Variants in ANO1 observed in about 807,000 individuals in gnomAD.
ANO1 encodes anoctamin-1.
In ANO1, 59 loss-of-function variants were observed where a neutral mutation model predicts 124.0. The observed-to-expected ratio is 0.48, with a 90% confidence interval of 0.39 to 0.59. The LOEUF (loss-of-function observed/expected upper bound fraction) is 0.59, where lower values mean the gene tolerates loss of function less well. ANO1 is among the 20% of genes least tolerant of loss of function. ANO1 has a pLI of 0.00. For synonymous variants in ANO1, 529 were observed against 532.0 expected (o/e 0.99, Z 0.08); for missense variants, 1,059 against 1,328.0 (o/e 0.80, Z 3.15).
chr11:70,108,779 T>C (rs2045658880), intron 6 of ANO1, among the ~76,000 whole-genome samples: 1 of 152,236 alleles, frequency 6.6e-6, no homozygotes, highest in African/African-American at 2.4e-5. Context: ...CGGGGCGGCA[T>C]CTCCATGTGG....
At chr11:70,185,471 C>T in intron 24 of ANO1, 119 bp from the exon 25 acceptor site, 1 of 850,616 alleles carries the variant, frequency 1.2e-6, no homozygotes, top group East Asian at 2.6e-5. Context: ...GGCTGCCCTC[C>T]CGGAGGCAGC....
At chr11:70,069,694 G>A (rs1188818298) in intron 1 of ANO1, among the ~76,000 whole-genome samples, 2 of 152,104 alleles carry the variant, frequency 1.3e-5, no homozygotes, top group Non-Finnish European at 2.9e-5. Flanking sequence ...ACAGCTTTTG[G>A]AAAACGATAA....
At chr11:70,176,115 G>A (rs150883032) in intron 22 of ANO1, among the ~76,000 whole-genome samples, 84 of 151,068 alleles carry the variant, frequency 5.6e-4, no homozygotes, top group African/African-American at 2.0e-3. Context: ...AGAAAGGCGG[G>A]ACAGGGCGAC....
intron 7 of ANO1, among the ~76,000 whole-genome samples, chr11:70,113,049 G>C (rs2045851174): frequency 6.6e-6 from 1 of 152,136 alleles, no homozygotes; most frequent in African/African-American, 2.4e-5. Context: ...GGGGATTGGG[G>C]TGGTTGAGCA....
chr11:70,076,599 T>C (rs1247045032), upstream of ANO1, among the ~76,000 whole-genome samples: 1 of 152,142 alleles, frequency 6.6e-6, no homozygotes, highest in African/African-American at 2.4e-5. Context: ...CGTGTGGGAT[T>C]CTCCCAGCCC....
chr11:70,137,902 C>T (rs1483116984), intron 11 of ANO1, among the ~76,000 whole-genome samples: 1 of 147,862 alleles, frequency 6.8e-6, no homozygotes, highest in African/African-American at 2.4e-5. Context: ...GTGCCAGTTG[C>T]TACGTTGCAC....
intron 2 of ANO1, among the ~76,000 whole-genome samples, chr11:70,101,741 G>A (rs12284682): frequency 0.055 from 8,429 of 152,146 alleles, 255 homozygotes; most frequent in Non-Finnish European, 0.065. Flanking sequence ...CTCTGCACCC[G>A]GAGGGGATGG....
intron 1 of ANO1, among the ~76,000 whole-genome samples, chr11:70,034,371 C>T (rs548984494): frequency 3.3e-5 from 5 of 152,262 alleles, no homozygotes; most frequent in South Asian, 2.1e-4. Context: ...ATGACTGCAG[C>T]AGCCCTGGGC....
chr11:70,098,325 G>A (rs2135319485), intron 2 of ANO1, among the ~76,000 whole-genome samples: 1 of 152,316 alleles, frequency 6.6e-6, no homozygotes, highest in East Asian at 1.9e-4. Flanking sequence ...GAGGCTCCTG[G>A]GCTTTCCCCT....
chr11:69,966,830 G>A, the ANO1 span, among the ~76,000 whole-genome samples: 3 of 152,190 alleles, frequency 2.0e-5, no homozygotes, highest in African/African-American at 7.2e-5. Flanking sequence ...GGGCAAGAGA[G>A]GTGCCCCCAA....
At chr11:70,167,530 G>A (rs1034784753) in intron 21 of ANO1, 143 bp downstream of exon 21, 6 of 1,230,346 alleles carry the variant, frequency 4.9e-6, no homozygotes. Flanking sequence ...GCAGGGAGAA[G>A]AGAGATGCAG....
chr11:69,995,093 G>GTT (rs1278482378), intron 1 of ANO1, among the ~76,000 whole-genome samples: 409 of 21,486 alleles, frequency 0.019, 14 homozygotes, highest in African/African-American at 0.028. Context: ...TGCTGGCACT[G>GTT]TTTTTTTTTT....
chr11:69,994,140 G>A (rs189640275), intron 1 of ANO1, among the ~76,000 whole-genome samples: 31 of 150,218 alleles, frequency 2.1e-4, no homozygotes, highest in East Asian at 1.4e-3. Flanking sequence ...GGACCTAAGC[G>A]GTGCATGGGC....
intron 14 of ANO1, among the ~76,000 whole-genome samples, chr11:70,154,398 T>C (rs1416023690): frequency 6.6e-6 from 1 of 151,624 alleles, no homozygotes; most frequent in East Asian, 1.9e-4. Context: ...GGCCCAGCTC[T>C]TCAAATACAA....
chr11:70,086,733 C>T (rs1046789861), intron 1 of ANO1, among the ~76,000 whole-genome samples: 1 of 152,238 alleles, frequency 6.6e-6, no homozygotes, highest in African/African-American at 2.4e-5. Flanking sequence ...AAGGTCACTC[C>T]GAGGGTCCCC....
At chr11:70,152,072 C>T (rs1048103488) in intron 12 of ANO1, among the ~76,000 whole-genome samples, 5 of 152,240 alleles carry the variant, frequency 3.3e-5, no homozygotes, top group African/African-American at 1.2e-4. Flanking sequence ...CGCGGTGGCT[C>T]ACGCCTGTAA....
chr11:70,181,376 A>G (rs2135834195), intron 23 of ANO1, among the ~76,000 whole-genome samples: 1 of 152,290 alleles, frequency 6.6e-6, no homozygotes. Context: ...GCCCTCTGAC[A>G]GTGCCCTTTC....
At chr11:70,033,283 C>G (rs1857036332) in intron 1 of ANO1, among the ~76,000 whole-genome samples, 1 of 152,172 alleles carries the variant, frequency 6.6e-6, no homozygotes, top group South Asian at 2.1e-4. Flanking sequence ...ATAGAAGGCG[C>G]AGGTGGGACT....
At chr11:70,098,717 C>G (rs1448848596) in intron 2 of ANO1, among the ~76,000 whole-genome samples, 3 of 152,180 alleles carry the variant, frequency 2.0e-5, no homozygotes, top group Non-Finnish European at 4.4e-5. Context: ...GCTCCAGCTG[C>G]AGGGAGTCCC....
Sources: allele counts gnomAD v4.1 joint callset (sites outside exome capture counted in the v4.1 genomes callset), GRCh38; gene constraint gnomAD v4.1.1; transcripts MANE v1.5; gene names NCBI Gene and HGNC (gene_info 2026-07-23, HGNC 2026-07-21).